PCDH15: variants seen among roughly 807,000 people sequenced by gnomAD.
PCDH15 encodes the protein protocadherin related 15, also known as protocadherin-15.
In PCDH15, 129 loss-of-function variants were observed where a neutral mutation model predicts 178.5. The observed-to-expected ratio is 0.72, with a 90% CI of 0.63 to 0.84. PCDH15 has a LOEUF of 0.84. Ranked by LOEUF, PCDH15 falls within the 40% of genes least tolerant of loss-of-function variation. The probability of loss-of-function intolerance (pLI) is 0.00; values close to 1 mark genes in which losing one functional copy is unlikely to be tolerated. For missense variants in PCDH15, 2,230 were observed against 2,099.9 expected (o/e 1.06, Z -1.21); for synonymous variants, 800 against 732.0 (o/e 1.09, Z -1.50).
intron 2 of PCDH15, among the ~76,000 whole-genome samples, chr10:55,563,506 G>A (rs1022088152): frequency 6.6e-6 from 1 of 151,462 alleles, no homozygotes; most frequent in Non-Finnish European, 1.5e-5. Flanking sequence ...GCAAGCCCTG[G>A]GGAAGGGAGA....
intron 2 of PCDH15, among the ~76,000 whole-genome samples, chr10:54,971,996 A>G (rs1838945211): frequency 1.3e-5 from 2 of 152,180 alleles, no homozygotes; most frequent in Admixed American, 1.3e-4. Context: ...GTCATTAACT[A>G]CGGATACAAA....
At chr10:55,195,799 C>CT (rs971271213) in intron 1 of PCDH15, among the ~76,000 whole-genome samples, 1 of 151,726 alleles carries the variant, frequency 6.6e-6, no homozygotes, top group East Asian at 1.9e-4. Context: ...ATGAGATTTG[C>CT]TTTTTCATTG....
At chr10:54,243,610 T>C (rs1001889032) in intron 8 of PCDH15, among the ~76,000 whole-genome samples, 3 of 152,228 alleles carry the variant, frequency 2.0e-5, no homozygotes, top group African/African-American at 7.2e-5. Context: ...TTCTTGCTTG[T>C]TTCCATGTGT....
intron 2 of PCDH15, among the ~76,000 whole-genome samples, chr10:54,659,550 C>T (rs1228979705): frequency 6.6e-6 from 1 of 151,878 alleles, no homozygotes; most frequent in African/African-American, 2.4e-5. Flanking sequence ...GTCAGGAGTT[C>T]AAGACCCACA....
chr10:54,186,494 T>C (rs1471167204), intron 11 of PCDH15, among the ~76,000 whole-genome samples: 1 of 152,040 alleles, frequency 6.6e-6, no homozygotes, highest in Non-Finnish European at 1.5e-5. Context: ...TATGTGTAGA[T>C]TTCAAATAAC....
intron 3 of PCDH15, among the ~76,000 whole-genome samples, chr10:54,831,219 AG>A (rs1953221833): frequency 6.6e-6 from 1 of 152,160 alleles, no homozygotes; most frequent in African/African-American, 2.4e-5. Flanking sequence ...ACAAAAAATT[AG>A]GTTTAGCATT....
rs1314142955 is a variant in PCDH15 at position 55,098,957 on chromosome 10, T to C, written c.-80+67619A>G. Among the ~76,000 whole-genome samples the C allele has an allele frequency of 3.8e-5, 5 of 131,042 alleles. No individual in the cohort carries two copies. The East Asian group carries it at 9.8e-4, about 26-fold the overall frequency. 86.0% of individuals were successfully genotyped at this position (131,042 alleles called of 152,430 possible). On this transcript the variant is annotated intron_variant, in intron 2 of 5. Transcript: ENST00000458638. ...GAGCTCTTATCCTTTCTCTTTCTTT[T>C]GCCTATTAAACCTCTGCTCCTAAAC... is the stretch of plus-strand genomic sequence containing the variant.
intron 15 of PCDH15, among the ~76,000 whole-genome samples, chr10:54,094,260 T>C (rs923396433): frequency 6.6e-6 from 1 of 152,160 alleles, no homozygotes; most frequent in Non-Finnish European, 1.5e-5. Context: ...ATTTACATGG[T>C]AGTGGAGGAA....
chr10:54,070,661 C>A (rs1476404878), intron 17 of PCDH15, among the ~76,000 whole-genome samples: 1 of 152,056 alleles, frequency 6.6e-6, no homozygotes, highest in East Asian at 1.9e-4. Context: ...GTGATCATAG[C>A]TCACAGCAGC....
intron 1 of PCDH15, among the ~76,000 whole-genome samples, chr10:55,216,151 A>C (rs1018693647): frequency 6.6e-6 from 1 of 151,884 alleles, no homozygotes; most frequent in African/African-American, 2.4e-5. Flanking sequence ...TCCTTGGCAT[A>C]GAATAGGTGC....
intron 3 of PCDH15, among the ~76,000 whole-genome samples, chr10:54,476,703 TC>T (rs143198520): frequency 0.01 from 1,581 of 152,220 alleles, 26 homozygotes; most frequent in African/African-American, 0.036. Context: ...ATGTTTCAAC[TC>T]TTTACACTAT....
chr10:54,887,812 TA>T (rs1303183706), intron 3 of PCDH15, among the ~76,000 whole-genome samples: 1 of 152,048 alleles, frequency 6.6e-6, no homozygotes, highest in East Asian at 1.9e-4. Context: ...GAAAAGAAAA[TA>T]AAACTATACA....
chr10:54,832,443 A>C (rs1208609128), intron 3 of PCDH15, among the ~76,000 whole-genome samples: 1 of 152,236 alleles, frequency 6.6e-6, no homozygotes, highest in Non-Finnish European at 1.5e-5. Flanking sequence ...AAATGAAAAC[A>C]CTAGATGTAG....
In PCDH15 at chr10:55,045,898, T is replaced by G. The variant is rs180950303; in HGVS notation, c.-80+120678A>C. 1.6e-3 allele frequency among the ~76,000 whole-genome samples: 247 copies of G among 151,888 alleles called. 1 individual carries two copies. The highest frequency in any genetic ancestry group is 5.6e-3 in the African/African-American group (233 of 41,388). On this transcript the variant is annotated intron_variant, in intron 2 of 5. Coordinates refer to the PCDH15 transcript ENST00000458638. ...TGTCCTTTTTCCCCGACTTTTCACT[T>G]GGAAAAAAAAGGTAGAAATATACAG... is the stretch of plus-strand genomic sequence containing the variant.
At chr10:53,838,588 CTCAA>C (rs2077448786) in intron 29 of PCDH15, among the ~76,000 whole-genome samples, 1 of 151,988 alleles carries the variant, frequency 6.6e-6, no homozygotes, top group Non-Finnish European at 1.5e-5. Context: ...ACACCCTAAA[CTCAA>C]TCAATCGTGA....
intron 1 of PCDH15, among the ~76,000 whole-genome samples, chr10:55,253,555 A>G (rs1841903074): frequency 6.6e-6 from 1 of 152,174 alleles, no homozygotes; most frequent in Non-Finnish European, 1.5e-5. Context: ...CTTTACTAAT[A>G]CAGAATGGGA....
chr10:53,957,946 C>T (rs149390162), intron 23 of PCDH15, among the ~76,000 whole-genome samples: 11 of 152,112 alleles, frequency 7.2e-5, no homozygotes, highest in Non-Finnish European at 1.5e-4. Flanking sequence ...GATTTACATA[C>T]ATGCTATGGA....
Position 53,835,755 on chromosome 10 carries a change from A to AAAAAC in PCDH15, c.3984-4227_3984-4223dup, listed in dbSNP as rs1182893234. 3.3e-5 allele frequency among the ~76,000 whole-genome samples: 5 copies of AAAAAC among 152,204 alleles called. No individual in the cohort carries two copies. In the South Asian group the frequency reaches 6.2e-4, roughly 19 times the overall value. On this transcript the variant is annotated intron_variant, in intron 29 of 37. Transcript: ENST00000644397. ...AATAAAGTGAGACCATGTCTCTACA[A>AAAAAC]AAAACAAAACAAAACAAAACAGCTA...
At position 54,724,513 on chromosome 10, in the gene PCDH15, AC is replaced by A. The variant is rs200754241; in HGVS notation, c.-28-60224del. On this transcript the variant is annotated intron_variant, in intron 1 of 37. Transcript: ENST00000644397. ...AATTATGTAACAAATATGCATATAT[AC>A]CCCCGAATCTAAAATAAAATTAAAA... 8.7e-3 allele frequency among the ~76,000 whole-genome samples: 1,312 copies of A among 151,420 alleles called. 15 individuals are homozygous for A. Among genetic ancestry groups the A allele is most frequent in the African/African-American group, 0.029 (1,215 of 41,362 alleles).
Sources: allele counts gnomAD v4.1 joint callset (sites outside exome capture counted in the v4.1 genomes callset), GRCh38; gene constraint gnomAD v4.1.1; transcripts MANE v1.5; gene names NCBI Gene and HGNC (gene_info 2026-07-23, HGNC 2026-07-21).